Variants in SLC9A3 observed in about 807,000 individuals in gnomAD.
The protein encoded by SLC9A3 is solute carrier family 9 member A3.
SLC9A3 carries 37 observed loss-of-function variants against 86.8 expected under a neutral mutation model. The ratio of observed to expected loss-of-function variants is 0.43; its 90% CI spans 0.33 to 0.56. SLC9A3 has a LOEUF of 0.56. Ranked by LOEUF, SLC9A3 falls within the 20% of genes least tolerant of loss-of-function variation. SLC9A3 has a pLI of 0.06. For missense variants in SLC9A3, 1,011 were observed against 1,171.9 expected, an observed-to-expected ratio of 0.86 and a Z score of 2.00; for synonymous variants, 581 against 528.3, an observed-to-expected ratio of 1.10 and a Z score of -1.37.
At position 475,635 on chromosome 5, in the gene SLC9A3, T is replaced by A; in HGVS notation, c.2177A>T (p.Tyr726Phe). Residue 726 changes from tyrosine (Y) to phenylalanine (F), a missense_variant, in exon 15 of 17, where the codon TAT becomes TTT. By Grantham distance (22) the Tyr-to-Phe change is conservative. Coordinates refer to ENST00000264938, the MANE Select transcript of SLC9A3 (RefSeq NM_004174.4). ...ELSDTEEPPN[Y>F]DEEMSGGIEF... The stretch of plus-strand genomic sequence containing the variant: ...GATCCCCCCACTCATCTCCTCATCA[T>A]AGTTGGGGGGCTCCTCGGTGTCTGA... 6.4e-7 allele frequency: 1 copy of A among 1,551,744 alleles called. No homozygotes were observed. The highest frequency in any genetic ancestry group is 1.4e-5 in the African/African-American group (1 of 73,162).
chr5:479,595 T>C (rs1434290523), intron 10 of SLC9A3: 3 of 508,102 alleles, frequency 5.9e-6, no homozygotes, highest in African/African-American at 1.9e-5. Flanking sequence ...TCCTAGGACC[T>C]GACCTCAGCG....
chr5:521,597 G>C (rs1733886343), intron 1 of SLC9A3, among the ~76,000 whole-genome samples: 1 of 152,224 alleles, frequency 6.6e-6, no homozygotes, highest in Non-Finnish European at 1.5e-5. Context: ...GACTGAAAGA[G>C]TGTGGCCAAC....
intron 8 of SLC9A3, 104 bp from the exon 9 acceptor site, chr5:481,739 C>T (rs1438760715): frequency 7.2e-6 from 7 of 978,904 alleles, no homozygotes; most frequent in Non-Finnish European, 1.1e-5. Flanking sequence ...CAGCCCCCCT[C>T]ACCACGCCCC....
chr5:515,340 G>A (rs577121136), intron 1 of SLC9A3, among the ~76,000 whole-genome samples: 1 of 151,944 alleles, frequency 6.6e-6, no homozygotes, highest in East Asian at 1.9e-4. Context: ...CCCTGTGGAC[G>A]GTGCACACAC....
At chr5:510,640 GC>G (rs1459828768) in intron 1 of SLC9A3, among the ~76,000 whole-genome samples, 2 of 152,240 alleles carry the variant, frequency 1.3e-5, no homozygotes, top group African/African-American at 4.8e-5. Context: ...TTTGCTGAGG[GC>G]CCGCTACCCA....
At chr5:502,531 C>T (rs1013653129) in intron 1 of SLC9A3, among the ~76,000 whole-genome samples, 4 of 152,198 alleles carry the variant, frequency 2.6e-5, no homozygotes, top group Admixed American at 1.3e-4. Flanking sequence ...ACGGAAGTCA[C>T]GAGACACGTG....
rs760018548 is a variant in SLC9A3 at position 476,656 on chromosome 5, C to T, written c.1777G>A (p.Ala593Thr). The change falls in exon 12 of 17, where the codon GCT becomes ACT. Residue 593 changes from alanine (A) to threonine (T), a missense_variant. Physicochemically the swap from Ala to Thr is moderately conservative, Grantham distance 58. This residue lies in a region of SLC9A3 where 397 missense variants were observed against 346.3 expected (regional missense o/e 1.15). Coordinates refer to ENST00000264938, the MANE Select transcript of SLC9A3 (RefSeq NM_004174.4). ...VSYLLRENVS[A>T]VCLDMQSLEQ... ...AGAGACTGCATGTCCAGGCAGACAG[C>T]GCTGACATTTTCTCTCCTGCGTGGG... The T allele has an allele frequency of 6.2e-6, 10 of 1,605,960 alleles. No individual in the cohort carries two copies. The highest frequency in any genetic ancestry group is 4.0e-5 in the African/African-American group (3 of 74,924).
intron 1 of SLC9A3, among the ~76,000 whole-genome samples, chr5:512,268 A>G (rs1173643499): frequency 2.0e-5 from 3 of 152,048 alleles, no homozygotes; most frequent in African/African-American, 7.3e-5. Context: ...TTAATTAATA[A>G]TAATGTACCA....
intron 1 of SLC9A3, among the ~76,000 whole-genome samples, chr5:492,343 G>T (rs1161139176): frequency 1.2e-4 from 9 of 78,168 alleles, no homozygotes; most frequent in Admixed American, 1.4e-4. Flanking sequence ...GCAGGTAGGT[G>T]GGGGGAGCCC....
chr5:477,222 C>T (rs529262376), intron 11 of SLC9A3, 110 bp downstream of exon 11: 2 of 722,312 alleles, frequency 2.8e-6, no homozygotes, highest in East Asian at 2.7e-5. Context: ...TGCACCTCTC[C>T]CCTCTTCCAT....
rs1179611651 is a variant in SLC9A3 at position 496,092 on chromosome 5, C to T, written c.212-4021G>A. Among the ~76,000 whole-genome samples the T allele has an allele frequency of 2.0e-5, 3 of 152,262 alleles. No individual in the cohort carries two copies. Among genetic ancestry groups the T allele is most frequent in the Non-Finnish European group, 4.4e-5 (3 of 68,054 alleles). ...AGCCCTTAAAATCCACAGAAAACATCCTCTGACCTTGGTAGTTACTGAGAA... is the reference window on the plus strand; with the variant it reads ...AGCCCTTAAAATCCACAGAAAACATTCTCTGACCTTGGTAGTTACTGAGAA... On this transcript the variant is annotated intron_variant, in intron 1 of 16. Transcript: ENST00000264938. This position sits in a 1 kb window ranked among gnomAD's most constrained non-coding sequence, Gnocchi z 4.7.
intron 16 of SLC9A3, among the ~76,000 whole-genome samples, chr5:473,966 A>G (rs1738549640): frequency 6.6e-6 from 1 of 152,210 alleles, no homozygotes; most frequent in Non-Finnish European, 1.5e-5. Flanking sequence ...ACCTAAAGGA[A>G]ATCTCAGGCG....
intron 16 of SLC9A3, among the ~76,000 whole-genome samples, chr5:474,043 G>C (rs1738554974): frequency 6.6e-6 from 1 of 152,268 alleles, no homozygotes; most frequent in African/African-American, 2.4e-5. Flanking sequence ...GGCTCCTGAG[G>C]GAGGTGCGGC....
At chr5:476,701 A>G (rs1448862880) in intron 11 of SLC9A3, 29 bp from the exon 12 acceptor site, 6 of 1,597,242 alleles carry the variant, frequency 3.8e-6, no homozygotes, top group Non-Finnish European at 5.1e-6. Flanking sequence ...TGAGCCATAC[A>G]GGCTCCCTCA....
intron 9 of SLC9A3, chr5:480,858 A>C (rs917219351): frequency 1.3e-5 from 2 of 152,268 alleles, no homozygotes; most frequent in Admixed American, 1.3e-4. Flanking sequence ...TGTTTTTTAT[A>C]ATAAAACATA....
chr5:490,234 C>CT (rs1739669075), intron 2 of SLC9A3, among the ~76,000 whole-genome samples: 4 of 152,260 alleles, frequency 2.6e-5, no homozygotes, highest in African/African-American at 4.8e-5. Flanking sequence ...AGCGGCCTGC[C>CT]CCAGGGGGCA....
intron 12 of SLC9A3, 67 bp downstream of exon 12, chr5:476,476 A>G (rs1242592322): frequency 6.2e-7 from 1 of 1,602,764 alleles, no homozygotes; most frequent in Non-Finnish European, 8.5e-7. Context: ...TGGTCCCAGG[A>G]GGGGACGAGG....
At chr5:477,502 ATT>A in intron 10 of SLC9A3, 58 bp from the exon 11 acceptor site, 1 of 1,306,198 alleles carries the variant, frequency 7.7e-7, no homozygotes, top group Non-Finnish European at 1.1e-6. Context: ...AGCTGCTGCC[ATT>A]GTGTGCCCTG....
intron 1 of SLC9A3, among the ~76,000 whole-genome samples, chr5:511,804 T>A (rs563183575): frequency 5.3e-5 from 8 of 152,228 alleles, no homozygotes; most frequent in African/African-American, 1.4e-4. Flanking sequence ...ATCCTCCGTC[T>A]ACACAAAAGC....
Sources: gnomAD v4.1 joint callset for allele counts (sites outside exome capture counted in the v4.1 genomes callset) on GRCh38, gnomAD v4.1.1 for gene constraint, gnomAD v4.1.1 regional missense constraint, Gnocchi (gnomAD v3.1) non-coding constraint, MANE v1.5 for transcripts, NCBI Gene and HGNC (gene_info 2026-07-23, HGNC 2026-07-21) for gene names.